DPY19L2: variants seen among roughly 807,000 people sequenced by gnomAD.
DPY19L2 encodes probable C-mannosyltransferase DPY19L2.
In DPY19L2, 34 loss-of-function variants were observed where a neutral mutation model predicts 97.9. The ratio of observed to expected loss-of-function variants is 0.35; its 90% CI spans 0.26 to 0.46. The LOEUF (loss-of-function observed/expected upper bound fraction) is 0.46. Among genes scored for constraint, DPY19L2 ranks in the 20% least tolerant of loss-of-function variants. The pLI is 1.00. For synonymous variants in DPY19L2, 230 were observed against 307.9 expected (o/e 0.75, Z 2.65); for missense variants, 623 against 911.4 (o/e 0.68, Z 4.07).
intron 6 of DPY19L2, among the ~76,000 whole-genome samples, chr12:63,641,059 ATTTT>A (rs1488931711): frequency 5.3e-5 from 8 of 151,762 alleles, no homozygotes; most frequent in African/African-American, 1.9e-4. Flanking sequence ...CGCCCGGCTA[ATTTT>A]TTGTTGTTGT....
At chr12:63,626,786 A>T (rs1889624913) in intron 6 of DPY19L2, among the ~76,000 whole-genome samples, 1 of 150,216 alleles carries the variant, frequency 6.7e-6, no homozygotes, top group Non-Finnish European at 1.5e-5. Flanking sequence ...TGTGAACATA[A>T]TTTTTTTTTT....
chr12:63,611,260 C>A (rs1886967669), intron 11 of DPY19L2, among the ~76,000 whole-genome samples: 1 of 151,998 alleles, frequency 6.6e-6, no homozygotes, highest in African/African-American at 2.4e-5. Flanking sequence ...GCTAACAAAT[C>A]TTAAAAGCAA....
At chr12:63,622,091 ATAT>A (rs1446621244) in intron 8 of DPY19L2, among the ~76,000 whole-genome samples, 3 of 152,196 alleles carry the variant, frequency 2.0e-5, no homozygotes, top group Admixed American at 6.5e-5. Context: ...TTGTTTACTA[ATAT>A]TATCATAAAA....
chr12:63,579,233 C>T (rs1053032817), intron 19 of DPY19L2, among the ~76,000 whole-genome samples: 2 of 152,126 alleles, frequency 1.3e-5, no homozygotes, highest in African/African-American at 4.8e-5. Flanking sequence ...CTGACAGAGC[C>T]CCATTATACA....
chr12:63,668,768 G>A (rs1420869708), upstream of DPY19L2: 10 of 254,358 alleles, frequency 3.9e-5, no homozygotes, highest in Non-Finnish European at 7.6e-5. Context: ...CTTGCGCGCA[G>A]CCCCATGTAC....
chr12:63,633,706 A>C (rs1891124526), intron 6 of DPY19L2, among the ~76,000 whole-genome samples: 1 of 152,162 alleles, frequency 6.6e-6, no homozygotes, highest in South Asian at 2.1e-4. Context: ...CAGCCATCCC[A>C]TTACTGGGTA....
At chr12:63,635,681 G>T (rs550529014) in intron 6 of DPY19L2, among the ~76,000 whole-genome samples, 1 of 152,232 alleles carries the variant, frequency 6.6e-6, no homozygotes, top group Non-Finnish European at 1.5e-5. Flanking sequence ...GGAAGAAAGG[G>T]TATCAGTGAT....
chr12:63,651,391 A>ATTT (rs1363559961), intron 4 of DPY19L2, among the ~76,000 whole-genome samples: 3 of 152,174 alleles, frequency 2.0e-5, no homozygotes, highest in Non-Finnish European at 4.4e-5. Context: ...CAAAACAAAG[A>ATTT]TTGACAAATG....
intron 21 of DPY19L2, among the ~76,000 whole-genome samples, chr12:63,566,558 G>A (rs1877751089): frequency 6.6e-6 from 1 of 150,880 alleles, no homozygotes; most frequent in African/African-American, 2.4e-5. Context: ...TGTAACCTTT[G>A]GGGATTGTCT....
At chr12:63,615,068 A>G (rs986141966) in intron 11 of DPY19L2, among the ~76,000 whole-genome samples, 30 of 152,170 alleles carry the variant, frequency 2.0e-4, no homozygotes, top group African/African-American at 7.0e-4. Flanking sequence ...AGAACTTAGT[A>G]GAAACCTAAA....
intron 11 of DPY19L2, among the ~76,000 whole-genome samples, chr12:63,610,867 A>AAAAAAAAAAAAAAAAAAAAAAAAAC (rs1886869437): frequency 9.7e-6 from 1 of 102,874 alleles, no homozygotes; most frequent in Non-Finnish European, 2.0e-5. Context: ...AAAAAAAAAA[A>AAAAAAAAAAAAAAAAAAAAAAAAAC]AAAAAAAACC....
chr12:63,594,010 T>C, intron 16 of DPY19L2, 77 bp downstream of exon 16: 1 of 1,041,358 alleles, frequency 9.6e-7, no homozygotes, highest in Non-Finnish European at 1.4e-6. Flanking sequence ...TGCATATTCA[T>C]TTGAAAAATT....
rs536597199 is a variant in DPY19L2 at position 63,568,505 on chromosome 12, G to A, written c.2126+719C>T. 3.3e-5 allele frequency among the ~76,000 whole-genome samples: 5 copies of A among 151,992 alleles called. No individual in the cohort carries two copies. In the East Asian group the frequency reaches 9.6e-4, roughly 29 times the overall value. Reference sequence around the variant, plus strand: ...CCAACATCTGGACCTACTTGAATCGGTTTCTATTAACTTATTTTTTTCAGA... The same window carrying A: ...CCAACATCTGGACCTACTTGAATCGATTTCTATTAACTTATTTTTTTCAGA... On this transcript the variant is annotated intron_variant, in intron 21 of 21. Coordinates refer to ENST00000324472, the MANE Select transcript of DPY19L2 (RefSeq NM_173812.5).
intron 6 of DPY19L2, among the ~76,000 whole-genome samples, chr12:63,636,582 A>C (rs1469835107): frequency 1.3e-5 from 2 of 152,146 alleles, no homozygotes; most frequent in Non-Finnish European, 2.9e-5. Context: ...ATGGAGGAAG[A>C]TCTACCAAGC....
intron 19 of DPY19L2, among the ~76,000 whole-genome samples, chr12:63,573,554 A>C (rs1279469885): frequency 6.6e-6 from 1 of 152,136 alleles, no homozygotes; most frequent in Non-Finnish European, 1.5e-5. Context: ...GAACTTCTCA[A>C]AGCTAGAGAA....
At chr12:63,639,371 T>C (rs1892302469) in intron 6 of DPY19L2, among the ~76,000 whole-genome samples, 1 of 151,896 alleles carries the variant, frequency 6.6e-6, no homozygotes, top group South Asian at 2.1e-4. Context: ...AACTACACAG[T>C]TTCTGCACAG....
At position 63,570,621 on chromosome 12, in the gene DPY19L2, C is replaced by T. The variant is rs892910496; in HGVS notation, c.2000+137G>A. On this transcript the variant is annotated intron_variant, in intron 20 of 21. Coordinates refer to ENST00000324472, the MANE Select transcript of DPY19L2 (RefSeq NM_173812.5). ...GATGGTTATTGTCATTTTTTTTTAACTTCCAGTATGAAAATGAGGATGAGT... is the reference window on the plus strand; with the variant it reads ...GATGGTTATTGTCATTTTTTTTTAATTTCCAGTATGAAAATGAGGATGAGT... 1.7e-5 allele frequency: 16 copies of T among 915,568 alleles called. No homozygotes were observed. The Admixed American group carries it at 3.3e-4, about 19-fold the overall frequency. The allele number at this position is 915,568 out of a possible 1,614,324, so 56.7% of individuals were successfully genotyped here.
chr12:63,614,837 T>A (rs563565876), intron 11 of DPY19L2, among the ~76,000 whole-genome samples: 1 of 152,298 alleles, frequency 6.6e-6, no homozygotes, highest in South Asian at 2.1e-4. Flanking sequence ...TTCCTAGCTC[T>A]GCCCACTAAT....
At chr12:63,589,092 T>TACTA (rs1565722707) in intron 16 of DPY19L2, among the ~76,000 whole-genome samples, 1 of 151,944 alleles carries the variant, frequency 6.6e-6, no homozygotes, top group East Asian at 1.9e-4. Context: ...ATCTATTATA[T>TACTA]ACTAACAGTA....
Sources: gnomAD v4.1 joint callset for allele counts (sites outside exome capture counted in the v4.1 genomes callset) on GRCh38, gnomAD v4.1.1 for gene constraint, MANE v1.5 for transcripts, NCBI Gene and HGNC (gene_info 2026-07-23, HGNC 2026-07-21) for gene names.